Variants in TADA2A observed in about 807,000 individuals in gnomAD.
TADA2A encodes transcriptional adapter 2-alpha.
In TADA2A, 38 loss-of-function variants were observed where a neutral mutation model predicts 67.4. That is an observed-to-expected ratio of 0.56 (90% CI 0.44 to 0.74). The LOEUF (loss-of-function observed/expected upper bound fraction) is 0.74. Ranked by LOEUF, TADA2A falls within the 30% of genes least tolerant of loss-of-function variation. TADA2A has a pLI of 0.00. For synonymous variants in TADA2A, 192 were observed against 181.6 expected, an observed-to-expected ratio of 1.06 and a Z score of -0.46; for missense variants, 454 against 547.0, an observed-to-expected ratio of 0.83 and a Z score of 1.70.
rs1361754285 is a variant in TADA2A at position 37,478,864 on chromosome 17, G to A, written c.*1882G>A. 1 of 152,176 alleles carries A rather than the reference G, an allele frequency of 6.6e-6. No individual in the cohort carries two copies. 9.4% of individuals were successfully genotyped at this position (152,176 alleles called of 1,614,324 possible). A position where few individuals can be genotyped will look rare whatever the true frequency, so the allele number is the denominator to read the frequency against. On this transcript the variant is annotated 3_prime_UTR_variant, in exon 16 of 16. Coordinates refer to ENST00000615182, the MANE Select transcript of TADA2A (RefSeq NM_001166105.3). Reference sequence around the variant, plus strand: ...TGAAAAAGACACTCTAAGGACCTGAGGGAATTCAAATAGAGGACTTCGATT... The same window carrying A: ...TGAAAAAGACACTCTAAGGACCTGAAGGAATTCAAATAGAGGACTTCGATT...
chr17:37,420,442 G>A (rs1218796000), intron 2 of TADA2A, among the ~76,000 whole-genome samples: 1 of 141,078 alleles, frequency 7.1e-6, no homozygotes, highest in Non-Finnish European at 1.6e-5. Flanking sequence ...ACCCAGGCTG[G>A]AGTGCAATGG....
intron 8 of TADA2A, among the ~76,000 whole-genome samples, chr17:37,457,491 CTTTTTTTT>C (rs71135729): frequency 1.4e-5 from 1 of 72,398 alleles, no homozygotes; most frequent in Non-Finnish European, 2.4e-5. Context: ...AACATTAATT[CTTTTTTTT>C]TTTTTTTTTT....
At chr17:37,438,316 G>A (rs1272182959) in intron 5 of TADA2A, among the ~76,000 whole-genome samples, 4 of 152,198 alleles carry the variant, frequency 2.6e-5, no homozygotes, top group Non-Finnish European at 4.4e-5. Context: ...GAATTGAATA[G>A]CACTTATTGC....
At position 37,437,829 on chromosome 17, in the gene TADA2A, G is replaced by T; in HGVS notation, c.284G>T (p.Trp95Leu). Residue 95 changes from tryptophan (W) to leucine (L), a missense_variant and splice_region_variant, in exon 5 of 16, where the codon TGG becomes TTG. Trp to Leu is a moderately conservative substitution (Grantham distance 61, BLOSUM62 -2). Around this residue, in one of 2 missense-constraint regions of TADA2A, gnomAD observed 403 missense variants for 455.5 expected, o/e 0.88. Transcript: ENST00000615182. ...EAVMDCGFGNWQDVANQMCTK... is the reference protein window; with the variant it reads ...EAVMDCGFGNLQDVANQMCTK... ...GTGATGGACTGTGGCTTTGGAAATTGGTAAGAGCTTGGTGTTAAGAGTTGT... is the reference window on the plus strand; with the variant it reads ...GTGATGGACTGTGGCTTTGGAAATTTGTAAGAGCTTGGTGTTAAGAGTTGT... 1 of 1,614,052 alleles carries T rather than the reference G, an allele frequency of 6.2e-7. No homozygotes were observed. Among genetic ancestry groups the T allele is most frequent in the South Asian group, 1.1e-5 (1 of 91,078 alleles).
chr17:37,473,346 C>A (rs948566025), intron 14 of TADA2A, among the ~76,000 whole-genome samples: 1 of 151,928 alleles, frequency 6.6e-6, no homozygotes, highest in Non-Finnish European at 1.5e-5. Flanking sequence ...AGATCTCTTG[C>A]TCTCCTTTAT....
intron 8 of TADA2A, among the ~76,000 whole-genome samples, chr17:37,457,107 CT>C (rs2053412918): frequency 6.6e-6 from 1 of 151,700 alleles, no homozygotes; most frequent in South Asian, 2.1e-4. Flanking sequence ...TACACTGTAC[CT>C]TTATTCACAT....
intron 15 of TADA2A, 34 bp downstream of exon 15, chr17:37,474,663 TA>T (rs747072214): frequency 1.3e-6 from 2 of 1,584,588 alleles, no homozygotes; most frequent in Admixed American, 1.8e-5. Flanking sequence ...AGAAAGAGAA[TA>T]GGGGCTGATT....
chr17:37,430,625 G>A (rs1191422449), intron 4 of TADA2A, among the ~76,000 whole-genome samples: 3 of 152,148 alleles, frequency 2.0e-5, no homozygotes, highest in Admixed American at 1.3e-4. Flanking sequence ...CTGCCTGGGA[G>A]CTTCTTATAA....
chr17:37,471,036 T>C lies in TADA2A; in HGVS notation c.1029-58T>C. On this transcript the variant is annotated intron_variant, in intron 13 of 15. Coordinates refer to ENST00000615182, the MANE Select transcript of TADA2A (RefSeq NM_001166105.3). ...AAATGGCACCCAGTCTCACCGGGGC[T>C]TTTGGAAATCACCTTGTTTGATATG... 7 of 1,595,410 alleles carry C rather than the reference T, an allele frequency of 4.4e-6. No individual in the cohort carries two copies. In the South Asian group the frequency reaches 7.7e-5, roughly 18 times the overall value.
At chr17:37,462,598 C>T (rs1324153401) in intron 10 of TADA2A, among the ~76,000 whole-genome samples, 1 of 152,096 alleles carries the variant, frequency 6.6e-6, no homozygotes, top group East Asian at 1.9e-4. Flanking sequence ...CGCCAGTGCA[C>T]TCCAGCCTGG....
At position 37,408,833 on chromosome 17, in the gene TADA2A, A is replaced by C. The variant is rs79523158; in HGVS notation, c.-98+1884A>C. Reference sequence around the variant, plus strand: ...CTGAGAGGACAGCAAAGGGAGACCTACCCCACCCCAAAAAGGGAAAGTTCT... The same window carrying C: ...CTGAGAGGACAGCAAAGGGAGACCTCCCCCACCCCAAAAAGGGAAAGTTCT... On this transcript the variant is annotated intron_variant, in intron 1 of 15. Coordinates refer to ENST00000615182, the MANE Select transcript of TADA2A (RefSeq NM_001166105.3). Among the ~76,000 whole-genome samples, 8 of 152,272 alleles carry C rather than the reference A, an allele frequency of 5.3e-5. 1 individual carries two copies. In the East Asian group the frequency reaches 1.5e-3, roughly 29 times the overall value.
At chr17:37,472,611 C>T (rs2053813443) in intron 14 of TADA2A, among the ~76,000 whole-genome samples, 2 of 151,928 alleles carry the variant, frequency 1.3e-5, no homozygotes, top group Admixed American at 6.6e-5. Context: ...AATCCCAGCA[C>T]TTTGAGAGGC....
At chr17:37,453,407 A>G (rs1282576534) in intron 8 of TADA2A, among the ~76,000 whole-genome samples, 1 of 151,890 alleles carries the variant, frequency 6.6e-6, no homozygotes. Context: ...CTTTTTTTCT[A>G]CCCTAACATC....
intron 2 of TADA2A, 115 bp from the exon 3 acceptor site, chr17:37,423,394 T>C (rs2052304497): frequency 2.6e-6 from 2 of 772,618 alleles, no homozygotes; most frequent in East Asian, 5.2e-5. Flanking sequence ...CTTGTCTCCA[T>C]GAACTTTTCA....
At chr17:37,446,146 C>T (rs771923622) in intron 8 of TADA2A, among the ~76,000 whole-genome samples, 2 of 149,984 alleles carry the variant, frequency 1.3e-5, no homozygotes, top group African/African-American at 2.4e-5. Context: ...TCCTTTTCTC[C>T]CACACAACTT....
chr17:37,448,583 C>T (rs1166682335), intron 8 of TADA2A, among the ~76,000 whole-genome samples: 3 of 152,160 alleles, frequency 2.0e-5, no homozygotes, highest in Admixed American at 6.5e-5. Context: ...TTGCTGCCAT[C>T]TCTTTCCCCA....
intron 14 of TADA2A, among the ~76,000 whole-genome samples, chr17:37,473,033 T>G (rs2053823080): frequency 6.6e-6 from 1 of 151,666 alleles, no homozygotes; most frequent in South Asian, 2.1e-4. Context: ...TGATCATGGC[T>G]CACTGTAGCC....
intron 14 of TADA2A, among the ~76,000 whole-genome samples, chr17:37,473,992 G>A (rs1046004174): frequency 6.6e-6 from 1 of 152,280 alleles, no homozygotes; most frequent in East Asian, 1.9e-4. Flanking sequence ...ATTTCCATTC[G>A]TCAGCTGTCA....
intron 8 of TADA2A, among the ~76,000 whole-genome samples, chr17:37,446,201 T>C (rs2053076472): frequency 6.6e-6 from 1 of 151,796 alleles, no homozygotes; most frequent in Non-Finnish European, 1.5e-5. Flanking sequence ...AGAGGAAAGC[T>C]TGAAAGCAAA....
Sources: allele counts gnomAD v4.1 joint callset (sites outside exome capture counted in the v4.1 genomes callset), GRCh38; gene constraint gnomAD v4.1.1; regional missense constraint gnomAD v4.1.1; transcripts MANE v1.5; gene names NCBI Gene and HGNC (gene_info 2026-07-23, HGNC 2026-07-21).